RASGRP3: variants seen among roughly 807,000 people sequenced by gnomAD.
RASGRP3 encodes ras guanyl-releasing protein 3.
RASGRP3 carries 54 observed loss-of-function variants against 82.7 expected under a neutral mutation model. The observed-to-expected ratio is 0.65, with a 90% CI of 0.52 to 0.82. RASGRP3 has a LOEUF of 0.82. Among genes scored for constraint, RASGRP3 ranks in the 40% least tolerant of loss-of-function variants. RASGRP3 has a pLI of 0.00. For synonymous variants in RASGRP3, 309 were observed against 300.5 expected (o/e 1.03, Z -0.29); for missense variants, 861 against 828.9 (o/e 1.04, Z -0.48).
At chr2:33,465,333 C>T (rs1336080060) in intron 2 of RASGRP3, among the ~76,000 whole-genome samples, 1 of 152,174 alleles carries the variant, frequency 6.6e-6, no homozygotes, top group Non-Finnish European at 1.5e-5. Flanking sequence ...GAGGAAGCCA[C>T]AGATGAAAAA....
chr2:33,545,503 T>A (rs1674646401), intron 13 of RASGRP3, among the ~76,000 whole-genome samples: 1 of 152,206 alleles, frequency 6.6e-6, no homozygotes, highest in African/African-American at 2.4e-5. Flanking sequence ...GGAGGGGAGA[T>A]GAGCTAATGC....
intron 2 of RASGRP3, among the ~76,000 whole-genome samples, chr2:33,514,503 T>TAA (rs1183232785): frequency 1.1e-3 from 8 of 7,180 alleles, no homozygotes; most frequent in Admixed American, 7.6e-3. Context: ...ACCCCATCTC[T>TAA]ACAAAAAAAA....
chr2:33,534,694 A>ATTTTTT (rs71910431), intron 11 of RASGRP3, among the ~76,000 whole-genome samples: 11 of 122,242 alleles, frequency 9.0e-5, no homozygotes, highest in African/African-American at 1.3e-4. Flanking sequence ...ACACCCAGCA[A>ATTTTTT]TTTTTTTTTT....
intron 1 of RASGRP3, chr2:33,481,364 A>T (rs553823519): frequency 2.0e-5 from 3 of 152,160 alleles, no homozygotes; most frequent in African/African-American, 7.2e-5. Context: ...GGGTTTCATC[A>T]TGTTAGCAGG....
intron 1 of RASGRP3, among the ~76,000 whole-genome samples, chr2:33,504,718 C>G (rs561255903): frequency 6.2e-4 from 94 of 152,318 alleles, no homozygotes; most frequent in African/African-American, 2.2e-3. Flanking sequence ...TTCACATTCT[C>G]TTGCTTTTTA....
intron 1 of RASGRP3, among the ~76,000 whole-genome samples, chr2:33,489,802 G>A (rs1460436728): frequency 6.6e-6 from 1 of 152,204 alleles, no homozygotes; most frequent in East Asian, 1.9e-4. Flanking sequence ...CTCCCCATGT[G>A]CTGGGATTAC....
At chr2:33,529,111 G>A (rs1377933783) in intron 10 of RASGRP3, among the ~76,000 whole-genome samples, 3 of 151,968 alleles carry the variant, frequency 2.0e-5, no homozygotes, top group Admixed American at 1.3e-4. Flanking sequence ...ATAATAATGG[G>A]GTAGGGAAAT....
intron 2 of RASGRP3, among the ~76,000 whole-genome samples, chr2:33,450,977 A>G (rs1315309363): frequency 6.6e-6 from 1 of 151,446 alleles, no homozygotes. Flanking sequence ...AGCTGGGACT[A>G]CAGGTGCCTG....
At chr2:33,438,768 C>G (rs972764876) in intron 1 of RASGRP3, among the ~76,000 whole-genome samples, 2 of 152,026 alleles carry the variant, frequency 1.3e-5, no homozygotes, top group African/African-American at 4.8e-5. Context: ...AATGTATTGC[C>G]TTATTTCCAG....
intron 1 of RASGRP3, among the ~76,000 whole-genome samples, chr2:33,478,862 C>T (rs185273721): frequency 2.7e-4 from 41 of 152,260 alleles, no homozygotes; most frequent in African/African-American, 3.6e-4. Context: ...CCAAATGATG[C>T]GCTAAACAAG....
At chr2:33,499,833 A>C (rs998267276) in intron 1 of RASGRP3, among the ~76,000 whole-genome samples, 5 of 152,174 alleles carry the variant, frequency 3.3e-5, no homozygotes, top group African/African-American at 1.2e-4. Context: ...TGTACAGACC[A>C]TGTCAAAAGA....
intron 10 of RASGRP3, among the ~76,000 whole-genome samples, chr2:33,528,391 C>T (rs1024606133): frequency 5.3e-5 from 8 of 152,174 alleles, no homozygotes; most frequent in African/African-American, 1.9e-4. Flanking sequence ...AACTTTTAGA[C>T]ACAACGGTGT....
chr2:33,500,474 C>T (rs909250412), intron 1 of RASGRP3, among the ~76,000 whole-genome samples: 4 of 151,606 alleles, frequency 2.6e-5, no homozygotes, highest in Admixed American at 6.6e-5. Flanking sequence ...GGGCAGTGGG[C>T]GAGGAGAAGA....
At chr2:33,551,142 G>A (rs897310296) in intron 14 of RASGRP3, among the ~76,000 whole-genome samples, 5 of 152,122 alleles carry the variant, frequency 3.3e-5, no homozygotes, top group East Asian at 1.9e-4. Flanking sequence ...GTGAAAACCC[G>A]TCTCTACCAA....
intron 2 of RASGRP3, among the ~76,000 whole-genome samples, chr2:33,452,311 A>T (rs183968954): frequency 2.0e-5 from 3 of 152,134 alleles, no homozygotes; most frequent in African/African-American, 7.2e-5. Flanking sequence ...CTATATATTG[A>T]TGTCTATGCA....
intron 14 of RASGRP3, among the ~76,000 whole-genome samples, chr2:33,552,963 T>C (rs1675515776): frequency 6.6e-6 from 1 of 152,184 alleles, no homozygotes; most frequent in Admixed American, 6.5e-5. Flanking sequence ...CCACATGAGT[T>C]CATCCTCTAC....
At chr2:33,464,471 C>CTT (rs138891382) in intron 2 of RASGRP3, among the ~76,000 whole-genome samples, 136 of 138,060 alleles carry the variant, frequency 9.9e-4, no homozygotes, top group Non-Finnish European at 1.6e-3. Flanking sequence ...GATCAGTGAT[C>CTT]TTTTTTTAAA....
At chr2:33,474,103 C>G (rs777079101), upstream of RASGRP3, among the ~76,000 whole-genome samples, 26 of 152,110 alleles carry the variant, frequency 1.7e-4, no homozygotes, top group African/African-American at 6.0e-4. Flanking sequence ...GCAGCCTGGC[C>G]TCTAACAGAC....
At chr2:33,461,549 A>G (rs1469696044) in intron 2 of RASGRP3, among the ~76,000 whole-genome samples, 1 of 152,250 alleles carries the variant, frequency 6.6e-6, no homozygotes, top group African/African-American at 2.4e-5. Context: ...AAGTGCTGGG[A>G]TTGCAGGCGT....
Sources: allele counts gnomAD v4.1 joint callset (sites outside exome capture counted in the v4.1 genomes callset), GRCh38; gene constraint gnomAD v4.1.1; transcripts MANE v1.5; gene names NCBI Gene and HGNC (gene_info 2026-07-23, HGNC 2026-07-21).